OSBPL3: variants seen among roughly 807,000 people sequenced by gnomAD.
OSBPL3 encodes oxysterol-binding protein-related protein 3.
Under a neutral mutation model 120.1 loss-of-function variants are expected in OSBPL3, and 65 were observed. The observed-to-expected ratio is 0.54, with a 90% CI of 0.44 to 0.67. The LOEUF (loss-of-function observed/expected upper bound fraction) is 0.67. Among genes scored for constraint, OSBPL3 ranks in the 30% least tolerant of loss-of-function variants. OSBPL3 has a pLI of 0.00. For missense variants in OSBPL3, 1,004 were observed against 1,082.1 expected (o/e 0.93, Z 1.01); for synonymous variants, 416 against 402.6 (o/e 1.03, Z -0.40).
chr7:24,967,229 AT>A lies in OSBPL3; in HGVS notation c.-150+12656del, dbSNP rs1210769044. ...CTACCAGTTGAACTGATTAACACAT[AT>A]TCCCTTGCTCAAAACATTCTGTGGC... On this transcript the variant is annotated intron_variant, in intron 1 of 22. Coordinates refer to ENST00000313367, the MANE Select transcript of OSBPL3 (RefSeq NM_015550.4). The surrounding 1 kb of genome is among the most constrained non-coding windows in gnomAD (Gnocchi z 5.6). Among the ~76,000 whole-genome samples, 1 of 152,218 alleles carries A rather than the reference AT, an allele frequency of 6.6e-6. No homozygotes were observed. Among genetic ancestry groups the A allele is most frequent in the African/African-American group, 2.4e-5 (1 of 41,462 alleles).
At chr7:24,810,980 A>G (rs1293058493) in intron 19 of OSBPL3, among the ~76,000 whole-genome samples, 1 of 152,234 alleles carries the variant, frequency 6.6e-6, no homozygotes, top group East Asian at 1.9e-4. Flanking sequence ...ATAGTGCTGC[A>G]ATGAACATGG....
At chr7:24,828,410 C>T (rs1795941926) in intron 16 of OSBPL3, among the ~76,000 whole-genome samples, 1 of 152,040 alleles carries the variant, frequency 6.6e-6, no homozygotes, top group Admixed American at 6.6e-5. Flanking sequence ...CAGTTTGCGA[C>T]CAGCCCGGCC....
chr7:24,960,722 A>G (rs1159394600), intron 1 of OSBPL3, among the ~76,000 whole-genome samples: 1 of 152,248 alleles, frequency 6.6e-6, no homozygotes, highest in Non-Finnish European at 1.5e-5. Flanking sequence ...AGCCAACTTT[A>G]AACTTCCTGT....
intron 1 of OSBPL3, among the ~76,000 whole-genome samples, chr7:24,950,582 C>T (rs974650081): frequency 9.2e-5 from 14 of 152,182 alleles, no homozygotes; most frequent in African/African-American, 1.9e-4. Context: ...ATTAGCCAGG[C>T]GCGGTGGCGG....
At position 24,938,027 on chromosome 7, in the gene OSBPL3, CG is replaced by C. The variant is rs1373855244; in HGVS notation, c.-150+41858del. ...GTTAGGAACTACATTTAACTGCAACCGATAAGATACTTCCTCCTTATCTCCA... is the reference window on the plus strand; with the variant it reads ...GTTAGGAACTACATTTAACTGCAACCATAAGATACTTCCTCCTTATCTCCA... On this transcript the variant is annotated intron_variant, in intron 1 of 22. Transcript: ENST00000313367. This position sits in a 1 kb window ranked among gnomAD's most constrained non-coding sequence, Gnocchi z 5.8. Among the ~76,000 whole-genome samples the C allele has an allele frequency of 6.6e-6, 1 of 152,150 alleles. No individual in the cohort carries two copies. Among genetic ancestry groups the C allele is most frequent in the Non-Finnish European group, 1.5e-5 (1 of 68,030 alleles).
rs142720310 is a variant in OSBPL3 at position 24,938,779 on chromosome 7, ATGTGTG to A, written c.-150+41101_-150+41106del. 0.12 allele frequency among the ~76,000 whole-genome samples: 10,814 copies of A among 93,880 alleles called. 665 individuals are homozygous for A. The highest frequency in any genetic ancestry group is 0.28 in the East Asian group (923 of 3,286). The allele number at this position is 93,880 out of a possible 152,430, so 61.6% of individuals were successfully genotyped here. On this transcript the variant is annotated intron_variant, in intron 1 of 22. Coordinates refer to ENST00000313367, the MANE Select transcript of OSBPL3 (RefSeq NM_015550.4). This position sits in a 1 kb window ranked among gnomAD's most constrained non-coding sequence, Gnocchi z 5.8. Reference sequence around the variant, plus strand: ...AACTGAATAATGAGGTTTTGTTTTGATGTGTGTGTGTGTGTGTGTGTGTGTGTGTGT... The same window carrying A: ...AACTGAATAATGAGGTTTTGTTTTGATGTGTGTGTGTGTGTGTGTGTGTGT...
chr7:24,893,628 A>T (rs1805679674), intron 1 of OSBPL3, among the ~76,000 whole-genome samples: 1 of 152,020 alleles, frequency 6.6e-6, no homozygotes, highest in Non-Finnish European at 1.5e-5. Flanking sequence ...CCTGGCCAAC[A>T]TGGTGAAACT....
chr7:24,951,659 G>A (rs1003170927), intron 1 of OSBPL3, among the ~76,000 whole-genome samples: 2 of 152,150 alleles, frequency 1.3e-5, no homozygotes, highest in Non-Finnish European at 1.5e-5. Context: ...TGGTAAAGAC[G>A]TAAGCTTTGA....
Position 24,952,817 on chromosome 7 carries a change from CT to C in OSBPL3, c.-150+27068del, listed in dbSNP as rs1305172733. Reference sequence around the variant, plus strand: ...TTAAAATATTTCCCTACCCAATTCCCTATCAACCCCGCTTCCCCTCCCCAAT... The same window carrying C: ...TTAAAATATTTCCCTACCCAATTCCCATCAACCCCGCTTCCCCTCCCCAAT... On this transcript the variant is annotated intron_variant, in intron 1 of 22. Transcript: ENST00000313367. This position sits in a 1 kb window ranked among gnomAD's most constrained non-coding sequence, Gnocchi z 4.4. 6.6e-6 allele frequency among the ~76,000 whole-genome samples: 1 copy of C among 152,168 alleles called. No homozygotes were observed. The highest frequency in any genetic ancestry group is 6.5e-5 in the Admixed American group (1 of 15,288).
At position 24,939,689 on chromosome 7, in the gene OSBPL3, C is replaced by T. The variant is rs79597854; in HGVS notation, c.-150+40197G>A. On this transcript the variant is annotated intron_variant, in intron 1 of 22. Transcript: ENST00000313367. The surrounding 1 kb of genome is among the most constrained non-coding windows in gnomAD (Gnocchi z 4.2). ...TTTCCATTACTTGCAGCCAAAATCA[C>T]CCTAATAGTCAACAGTATCAAACAT... Among the ~76,000 whole-genome samples, 328 of 152,240 alleles carry T rather than the reference C, an allele frequency of 2.2e-3. 2 individuals carry two copies. Among genetic ancestry groups the T allele is most frequent in the African/African-American group, 6.9e-3 (285 of 41,532 alleles).
chr7:24,863,072 C>T lies in OSBPL3; in HGVS notation c.870+128G>A. On this transcript the variant is annotated intron_variant, in intron 9 of 22. Coordinates refer to ENST00000313367, the MANE Select transcript of OSBPL3 (RefSeq NM_015550.4). This position sits in a 1 kb window ranked among gnomAD's most constrained non-coding sequence, Gnocchi z 5.8. ...ATTCAATTCATCTCGCTACAGAGGA[C>T]ACTGGAAAGAACAACTACAGAATAT... 1 of 689,488 alleles carries T rather than the reference C, an allele frequency of 1.5e-6. No individual in the cohort carries two copies. The highest frequency in any genetic ancestry group is 2.6e-6 in the Non-Finnish European group (1 of 378,704). The allele number at this position is 689,488 out of a possible 1,614,324, so 42.7% of individuals were successfully genotyped here. A position where few individuals can be genotyped will look rare whatever the true frequency, so the allele number is the denominator to read the frequency against.
At chr7:24,825,429 C>G (rs1296967967) in intron 16 of OSBPL3, among the ~76,000 whole-genome samples, 7 of 152,148 alleles carry the variant, frequency 4.6e-5, no homozygotes, top group African/African-American at 1.4e-4. Flanking sequence ...TTCCCTTCTC[C>G]CATGTTCAGA....
rs1289204232 is a variant in OSBPL3 at position 24,824,111 on chromosome 7, G to A, written c.1885-3873C>T. Among the ~76,000 whole-genome samples the A allele has an allele frequency of 6.6e-6, 1 of 152,132 alleles. No homozygotes were observed. Among genetic ancestry groups the A allele is most frequent in the Admixed American group, 6.5e-5 (1 of 15,272 alleles). The stretch of plus-strand genomic sequence containing the variant: ...TCACGTCCTCTCCAATCAAAGAAGA[G>A]CAATTCTTGATTGGTAAGGATGCCC... On this transcript the variant is annotated intron_variant, in intron 16 of 22. Coordinates refer to ENST00000313367, the MANE Select transcript of OSBPL3 (RefSeq NM_015550.4). This position sits in a 1 kb window ranked among gnomAD's most constrained non-coding sequence, Gnocchi z 4.9.
rs1805317404 is a variant in OSBPL3, at chr7:24,891,311, G to T, written c.96+1066C>A. On this transcript the variant is annotated intron_variant, in intron 2 of 22. Transcript: ENST00000313367. This position sits in a 1 kb window ranked among gnomAD's most constrained non-coding sequence, Gnocchi z 4.1. ...TCCTGGAGGGCTTCCCAAATGTCAG[G>T]TCTGTGGCAAAATCTAATTTCCTGG... Among the ~76,000 whole-genome samples the T allele has an allele frequency of 6.6e-6, 1 of 152,000 alleles. No individual in the cohort carries two copies. The highest frequency in any genetic ancestry group is 2.4e-5 in the African/African-American group (1 of 41,338).
At chr7:24,963,514 CCAGGGCAGA>C (rs1816022526) in intron 1 of OSBPL3, among the ~76,000 whole-genome samples, 1 of 152,140 alleles carries the variant, frequency 6.6e-6, no homozygotes, top group Non-Finnish European at 1.5e-5. Context: ...TGACATCTGC[CCAGGGCAGA>C]CAGTAGCACA....
At chr7:24,807,925 C>T (rs889815392) in intron 20 of OSBPL3, among the ~76,000 whole-genome samples, 2 of 151,916 alleles carry the variant, frequency 1.3e-5, no homozygotes, top group African/African-American at 4.8e-5. Flanking sequence ...TTGAAAGGGT[C>T]TCACTCTGTC....
chr7:24,836,736 G>A (rs972582748), intron 14 of OSBPL3, among the ~76,000 whole-genome samples: 1 of 151,988 alleles, frequency 6.6e-6, no homozygotes, highest in Non-Finnish European at 1.5e-5. Flanking sequence ...CTGAATAAAG[G>A]GGCTGCTCTG....
chr7:24,860,522 A>ACCG (rs1800378702), intron 10 of OSBPL3, among the ~76,000 whole-genome samples: 1 of 152,158 alleles, frequency 6.6e-6, no homozygotes, highest in African/African-American at 2.4e-5. Flanking sequence ...CTTGCCTGCC[A>ACCG]CCATGTAAGA....
chr7:24,949,098 A>C (rs1814080696), intron 1 of OSBPL3, among the ~76,000 whole-genome samples: 1 of 152,164 alleles, frequency 6.6e-6, no homozygotes. Context: ...CACTGGGGAG[A>C]ATTCATATTA....
Sources: allele counts gnomAD v4.1 joint callset (sites outside exome capture counted in the v4.1 genomes callset), GRCh38; gene constraint gnomAD v4.1.1; non-coding constraint Gnocchi (gnomAD v3.1); transcripts MANE v1.5; gene names NCBI Gene and HGNC (gene_info 2026-07-23, HGNC 2026-07-21).